The following CDH7 variants were observed in gnomAD, a reference collection of about 807,000 sequenced individuals.
CDH7 encodes the protein cadherin 7.
Under a neutral mutation model 71.8 loss-of-function variants are expected in CDH7, and 25 were observed. That is an observed-to-expected ratio of 0.35 (90% CI 0.25 to 0.49). The LOEUF (loss-of-function observed/expected upper bound fraction) is 0.49, where lower values mean the gene tolerates loss of function less well. CDH7 is among the 20% of genes least tolerant of loss of function. The pLI is 0.99. For missense variants in CDH7, 862 were observed against 974.6 expected, an observed-to-expected ratio of 0.88 and a Z score of 1.54; for synonymous variants, 381 against 363.8, an observed-to-expected ratio of 1.05 and a Z score of -0.54.
intron 2 of CDH7, among the ~76,000 whole-genome samples, chr18:65,786,403 C>T (rs1015270376): frequency 2.0e-5 from 3 of 151,970 alleles, no homozygotes; most frequent in African/African-American, 7.3e-5. Context: ...ATTCCTAAGC[C>T]CACAACCGCC....
chr18:65,778,287 A>AC (rs975212507), intron 2 of CDH7, among the ~76,000 whole-genome samples: 16 of 141,272 alleles, frequency 1.1e-4, no homozygotes, highest in Middle Eastern at 3.6e-3. Context: ...AAAAAAAAAA[A>AC]AAAAAAAAAA....
intron 2 of CDH7, among the ~76,000 whole-genome samples, chr18:65,805,118 GAAC>G (rs111824894): frequency 7.2e-5 from 11 of 152,096 alleles, no homozygotes; most frequent in African/African-American, 1.9e-4. Flanking sequence ...GTGATAAAAA[GAAC>G]TTAGTTCTAA....
At chr18:65,873,455 T>C (rs1053456084) in intron 11 of CDH7, among the ~76,000 whole-genome samples, 1 of 152,192 alleles carries the variant, frequency 6.6e-6, no homozygotes, top group African/African-American at 2.4e-5. Context: ...AAGAAACTGT[T>C]GAAATAAATG....
chr18:65,857,948 G>T lies in CDH7; in HGVS notation c.1368G>T (p.Glu456Asp). 6.2e-7 allele frequency: 1 copy of T among 1,613,126 alleles called. No individual in the cohort carries two copies. Among genetic ancestry groups the T allele is most frequent in the Non-Finnish European group, 8.5e-7 (1 of 1,179,424 alleles). The change falls in exon 8 of 12, where the codon GAG (glutamate) becomes GAT (aspartate). Residue 456 changes from glutamate (E) to aspartate (D), a missense_variant. Physicochemically the swap from Glu to Asp is conservative, Grantham distance 45 (BLOSUM62 2). Coordinates refer to ENST00000397968, the MANE Select transcript of CDH7 (RefSeq NM_004361.5). Reference protein sequence around the residue: ...AIHNITVLAMESQNPSQVGRG... With the variant: ...AIHNITVLAMDSQNPSQVGRG... ...ACAATATCACAGTCCTTGCAATGGA[G>T]AGCCGTAAGTTGTGAGGCTTAAAAC...
At chr18:65,878,810 G>A (rs575410010) in intron 11 of CDH7, among the ~76,000 whole-genome samples, 35 of 152,274 alleles carry the variant, frequency 2.3e-4, no homozygotes, top group African/African-American at 8.4e-4. Flanking sequence ...TGCCAATGCA[G>A]CATGAGAAGG....
intron 1 of CDH7, among the ~76,000 whole-genome samples, chr18:65,755,198 A>G (rs374467429): frequency 5.8e-4 from 89 of 152,330 alleles, no homozygotes; most frequent in African/African-American, 1.9e-3. Context: ...ATACTTTAAA[A>G]TACTCATTAC....
intron 2 of CDH7, among the ~76,000 whole-genome samples, chr18:65,784,741 A>G (rs540684522): frequency 6.6e-6 from 1 of 152,252 alleles, no homozygotes; most frequent in African/African-American, 2.4e-5. Context: ...TCCGTGTTGA[A>G]TCCTTAAATC....
In CDH7 at chr18:65,759,090, C is replaced by A. The variant is rs76928955; in HGVS notation, c.-196-3557C>A. On this transcript the variant is annotated intron_variant, in intron 1 of 11. Transcript: ENST00000397968. The stretch of plus-strand genomic sequence containing the variant: ...TGTTCTAGCTAATTTGATAAATCTC[C>A]AGTCTTGTTGAATGGAAGAGAAATA... 3.8e-3 allele frequency among the ~76,000 whole-genome samples: 571 copies of A among 152,192 alleles called. 2 individuals carry two copies. The highest frequency in any genetic ancestry group is 4.0e-3 in the Non-Finnish European group (270 of 68,012).
intron 2 of CDH7, among the ~76,000 whole-genome samples, chr18:65,775,068 T>A (rs1440819665): frequency 1.3e-5 from 2 of 152,120 alleles, no homozygotes; most frequent in Non-Finnish European, 2.9e-5. Context: ...AAAAGTAAGA[T>A]GGAAAGATGG....
chr18:65,854,124 AGT>A (rs1913261849), intron 7 of CDH7, among the ~76,000 whole-genome samples: 1 of 151,024 alleles, frequency 6.6e-6, no homozygotes, highest in African/African-American at 2.4e-5. Context: ...TGGCAGCAAT[AGT>A]GAGACCGTAT....
At chr18:65,793,709 A>C (rs1026117373) in intron 2 of CDH7, among the ~76,000 whole-genome samples, 7 of 152,160 alleles carry the variant, frequency 4.6e-5, no homozygotes, top group African/African-American at 1.7e-4. Context: ...AGAAAATAAG[A>C]GTAAGATAAT....
chr18:65,786,626 G>A (rs11874362), intron 2 of CDH7, among the ~76,000 whole-genome samples: 3 of 151,922 alleles, frequency 2.0e-5, no homozygotes, highest in Non-Finnish European at 4.4e-5. Context: ...GTATGATAAC[G>A]CTGATAACTC....
chr18:65,851,384 T>C (rs1334393687), intron 7 of CDH7, among the ~76,000 whole-genome samples: 2 of 152,198 alleles, frequency 1.3e-5, no homozygotes, highest in East Asian at 1.9e-4. Flanking sequence ...TTACATTATC[T>C]TTTGCCACTT....
intron 7 of CDH7, among the ~76,000 whole-genome samples, chr18:65,853,401 TC>T (rs11305969): frequency 0.69 from 104,324 of 152,010 alleles, 37,456 homozygotes; most frequent in East Asian, 0.93. Context: ...CAATCAGCCA[TC>T]CTACATTACT....
At position 65,850,146 on chromosome 18, in the gene CDH7, AGAGT is replaced by A. The variant is rs1370846970; in HGVS notation, c.1235+6085_1235+6088del. The stretch of plus-strand genomic sequence containing the variant: ...GCCACTGCACTCCAGCCTCAGTGAC[AGAGT>A]GAGACCCTGCCACACTATATATAAT... On this transcript the variant is annotated intron_variant, in intron 7 of 11. Coordinates refer to ENST00000397968, the MANE Select transcript of CDH7 (RefSeq NM_004361.5). 5.7e-5 allele frequency among the ~76,000 whole-genome samples: 8 copies of A among 139,692 alleles called. No individual in the cohort carries two copies. The East Asian group carries it at 1.7e-3, about 30-fold the overall frequency. 91.6% of individuals were successfully genotyped at this position (139,692 alleles called of 152,430 possible).
rs1914309645 is a variant in CDH7, at chr18:65,884,202, G to A, written c.*3308G>A. 6.6e-6 allele frequency: 1 copy of A among 152,086 alleles called. No homozygotes were observed. The highest frequency in any genetic ancestry group is 1.5e-5 in the Non-Finnish European group (1 of 67,980). The allele number at this position is 152,086 out of a possible 1,614,324, so 9.4% of individuals were successfully genotyped here. On this transcript the variant is annotated 3_prime_UTR_variant, in exon 12 of 12. Transcript: ENST00000397968. ...CAAATCTTAAGGAAATGGATTTCTG[G>A]AGATCAAGCCTAAATTATCAATCTC...
intron 2 of CDH7, among the ~76,000 whole-genome samples, chr18:65,777,633 T>C (rs1909998450): frequency 6.6e-6 from 1 of 152,086 alleles, no homozygotes; most frequent in African/African-American, 2.4e-5. Flanking sequence ...ATTTATGAAA[T>C]GAAAAGTCTA....
chr18:65,852,453 C>G (rs1599051611), intron 7 of CDH7, among the ~76,000 whole-genome samples: 2 of 152,134 alleles, frequency 1.3e-5, no homozygotes, highest in African/African-American at 4.8e-5. Context: ...ATAATGCCAT[C>G]AAGAGCCTTC....
chr18:65,771,005 G>C (rs1916526656), intron 2 of CDH7, among the ~76,000 whole-genome samples: 1 of 152,124 alleles, frequency 6.6e-6, no homozygotes, highest in African/African-American at 2.4e-5. Flanking sequence ...AGTGCTCTTG[G>C]CTTGAGGACA....
Sources: allele counts gnomAD v4.1 joint callset (sites outside exome capture counted in the v4.1 genomes callset), GRCh38; gene constraint gnomAD v4.1.1; transcripts MANE v1.5; gene names NCBI Gene and HGNC (gene_info 2026-07-23, HGNC 2026-07-21).